Variants in RYR1 observed in about 807,000 individuals in gnomAD.
The protein encoded by RYR1 is central core disease of muscle.
Under a neutral mutation model 583.5 loss-of-function variants are expected in RYR1, and 342 were observed. The ratio of observed to expected loss-of-function variants is 0.59; its 90% CI spans 0.54 to 0.64. The LOEUF (loss-of-function observed/expected upper bound fraction) is 0.64, where lower values mean the gene tolerates loss of function less well. Ranked by LOEUF, RYR1 falls within the 30% of genes least tolerant of loss-of-function variation. RYR1 has a pLI of 0.00. For synonymous variants in RYR1, 2,791 were observed against 2,822.5 expected (o/e 0.99, Z 0.35); for missense variants, 6,032 against 6,917.2 (o/e 0.87, Z 4.54).
In RYR1 at chr19:38,451,639, T is replaced by C. The variant is rs59873209; in HGVS notation, c.1123-125T>C. ...GGGGGACAGAAAAATGAGGAGGAAT[T>C]TGCAGTGAGATTCTGCAGAGCAGGG... is the stretch of plus-strand genomic sequence containing the variant. On this transcript the variant is annotated intron_variant, in intron 11 of 105. Coordinates refer to ENST00000359596, the MANE Select transcript of RYR1 (RefSeq NM_000540.3). 1,682 of 1,098,710 alleles carry C rather than the reference T, an allele frequency of 1.5e-3. 13 individuals are homozygous for C. In the African/African-American group the frequency reaches 0.022, roughly 15 times the overall value. 68.1% of individuals were successfully genotyped at this position (1,098,710 alleles called of 1,614,324 possible). A position where few individuals can be genotyped will look rare whatever the true frequency, so the allele number is the denominator to read the frequency against.
In RYR1 at chr19:38,565,627, GGGCGGTGCCGACGGGGC is replaced by G; in HGVS notation, c.13296_13312del (p.Ala4434ArgfsTer143). On this transcript the variant is annotated frameshift_variant, in exon 91 of 106. Transcript: ENST00000359596. LOFTEE classifies it high-confidence loss of function. The surrounding 1 kb of genome is among the most constrained non-coding windows in gnomAD (Gnocchi z 4.7). Reference sequence around the variant, plus strand: ...AGGAGGCGGTGCACGAGGCCGGGCCGGGCGGTGCCGACGGGGCGGTGGCCGTGACCGATGGGGGCCCC... The same window carrying G: ...AGGAGGCGGTGCACGAGGCCGGGCCGGGTGGCCGTGACCGATGGGGGCCCC... 1 of 1,405,308 alleles carries G rather than the reference GGGCGGTGCCGACGGGGC, an allele frequency of 7.1e-7. No homozygotes were observed. The allele number at this position is 1,405,308 out of a possible 1,614,324, so 87.1% of individuals were successfully genotyped here.
intron 27 of RYR1, among the ~76,000 whole-genome samples, chr19:38,470,021 C>T (rs964983835): frequency 5.9e-5 from 9 of 152,096 alleles, no homozygotes; most frequent in African/African-American, 1.9e-4. Context: ...AGTGAATTAG[C>T]CAGATGTGGT....
intron 11 of RYR1, among the ~76,000 whole-genome samples, chr19:38,449,916 G>A (rs768591464): frequency 2.0e-5 from 3 of 152,144 alleles, no homozygotes; most frequent in Non-Finnish European, 4.4e-5. Context: ...TTGTAGAGAC[G>A]AGGTCTCATT....
intron 10 of RYR1, 22 bp downstream of exon 10, chr19:38,448,533 C>T: frequency 1.2e-6 from 2 of 1,612,274 alleles, no homozygotes; most frequent in East Asian, 2.2e-5. Context: ...TTGTGGCGCC[C>T]TCCCTCACCT....
intron 31 of RYR1, among the ~76,000 whole-genome samples, chr19:38,479,180 G>T (rs187006573): frequency 6.6e-6 from 1 of 152,288 alleles, no homozygotes; most frequent in Admixed American, 6.5e-5. Context: ...AGAATCCTAA[G>T]GTGGCCTTTT....
intron 42 of RYR1, among the ~76,000 whole-genome samples, chr19:38,498,777 G>T (rs1243056824): frequency 1.3e-5 from 2 of 152,156 alleles, no homozygotes; most frequent in African/African-American, 4.8e-5. Context: ...TTGCCATCTT[G>T]GTTTTGGTGG....
chr19:38,521,144 G>C (rs894588538), intron 67 of RYR1, among the ~76,000 whole-genome samples: 1 of 151,852 alleles, frequency 6.6e-6, no homozygotes, highest in Admixed American at 6.6e-5. Flanking sequence ...AATTAGTCAG[G>C]CATGGTGACA....
At position 38,496,850 on chromosome 19, in the gene RYR1, G is replaced by A. The variant is rs373459426; in HGVS notation, c.6797-10G>A. 7.1e-5 allele frequency: 115 copies of A among 1,609,272 alleles called. 1 individual carries two copies. The South Asian group carries it at 9.0e-4, about 13-fold the overall frequency. On this transcript the variant is annotated splice_polypyrimidine_tract_variant and intron_variant, in intron 41 of 105. Coordinates refer to ENST00000359596, the MANE Select transcript of RYR1 (RefSeq NM_000540.3). This position sits in a 1 kb window ranked among gnomAD's most constrained non-coding sequence, Gnocchi z 4.8. ...GAGTGAGATGTTCTCCCCACCTCTC[G>A]CCCCTGCAGGCATGCAGGGCTCCAC...
At position 38,516,204 on chromosome 19, in the gene RYR1, G is replaced by T. The variant is rs199644190; in HGVS notation, c.9672G>T (p.Pro3224=). Reference sequence around the variant, plus strand: ...GCTCCGTGTACACCACCAAGTCTCCGCGGGAGCGGGCCAGTAAGCTGTGTG... The same window carrying T: ...GCTCCGTGTACACCACCAAGTCTCCTCGGGAGCGGGCCAGTAAGCTGTGTG... ...NACSVYTTKS[P]RERAILGLPN... is the part of the protein sequence containing the mutation. The change falls in exon 65 of 106, where the codon CCG becomes CCT. Residue 3224 remains proline (P), a synonymous_variant. Coordinates refer to ENST00000359596, the MANE Select transcript of RYR1 (RefSeq NM_000540.3). 5.7e-6 allele frequency: 9 copies of T among 1,584,046 alleles called. No individual in the cohort carries two copies. In the East Asian group the frequency reaches 1.4e-4, roughly 24 times the overall value.
At chr19:38,573,376 G>C in intron 96 of RYR1, 69 bp downstream of exon 96, 1 of 1,571,086 alleles carries the variant, frequency 6.4e-7, no homozygotes, top group South Asian at 1.1e-5. Flanking sequence ...GTCCAGGCCT[G>C]GACCCCAAAA....
chr19:38,546,199 G>C (rs1039556576), intron 87 of RYR1, among the ~76,000 whole-genome samples: 6 of 151,968 alleles, frequency 3.9e-5, no homozygotes, highest in African/African-American at 1.5e-4. Context: ...AGTCCTCCTT[G>C]TCTGCCAGCC....
At chr19:38,525,132 G>GT (rs1971408759) in intron 70 of RYR1, among the ~76,000 whole-genome samples, 200 bp from the exon 71 acceptor site, 1 of 152,150 alleles carries the variant, frequency 6.6e-6, no homozygotes, top group East Asian at 1.9e-4. Flanking sequence ...GTGGACTTGG[G>GT]TCTGGAGGGT....
intron 58 of RYR1, 53 bp from the exon 59 acceptor site, chr19:38,510,445 C>A: frequency 6.3e-7 from 1 of 1,588,596 alleles, no homozygotes; most frequent in South Asian, 1.1e-5. Flanking sequence ...ATCAGAACAC[C>A]CTGGGTTCCC....
At position 38,534,098 on chromosome 19, in the gene RYR1, A is replaced by G. The variant is rs527509549; in HGVS notation, c.11260-622A>G. Among the ~76,000 whole-genome samples the G allele has an allele frequency of 1.0e-4, 14 of 139,310 alleles. No individual in the cohort carries two copies. In the South Asian group the frequency reaches 3.0e-3, roughly 30 times the overall value. 91.4% of individuals were successfully genotyped at this position (139,310 alleles called of 152,430 possible). A position where few individuals can be genotyped will look rare whatever the true frequency, so the allele number is the denominator to read the frequency against. On this transcript the variant is annotated intron_variant, in intron 78 of 105. Transcript: ENST00000359596. ...GTGATCTCAGCTCACTGCAACCTCC[A>G]CCTCCCGGGTTCAAGCAATTCTCCT...
At position 38,478,428 on chromosome 19, in the gene RYR1, C is replaced by T. The variant is rs776234351; in HGVS notation, c.4455-7C>T. The T allele has an allele frequency of 6.2e-7, 1 of 1,612,868 alleles. No individual in the cohort carries two copies. The stretch of plus-strand genomic sequence containing the variant: ...AGGAGTGCAGTGACCGCTTCTGTCT[C>T]CTGCAGCCTCAAGTGTAGCAACTGC... On this transcript the variant is annotated splice_polypyrimidine_tract_variant and splice_region_variant and intron_variant, in intron 30 of 105. Transcript: ENST00000359596.
At chr19:38,542,066 C>CA (rs71165558) in intron 84 of RYR1, among the ~76,000 whole-genome samples, 20,352 of 80,502 alleles carry the variant, frequency 0.25, 2,126 homozygotes, top group African/African-American at 0.4. Context: ...GAGACCTTGT[C>CA]AAAAAAAAAA....
At chr19:38,584,024 C>T (rs1225978567) in intron 101 of RYR1, among the ~76,000 whole-genome samples, 1 of 151,984 alleles carries the variant, frequency 6.6e-6, no homozygotes, top group Non-Finnish European at 1.5e-5. Flanking sequence ...GCCTTCTCTG[C>T]TGGGAACACT....
intron 12 of RYR1, among the ~76,000 whole-genome samples, chr19:38,452,248 G>A (rs1289601977): frequency 6.6e-6 from 1 of 151,676 alleles, no homozygotes; most frequent in Non-Finnish European, 1.5e-5. Context: ...ACCAGCCTGA[G>A]CAATATAGTG....
chr19:38,584,802 C>T, intron 101 of RYR1, 141 bp from the exon 102 acceptor site: 4 of 931,494 alleles, frequency 4.3e-6, no homozygotes, highest in Non-Finnish European at 6.8e-6. Context: ...CTGTCTGATG[C>T]CGTATCTGTG....
Sources: allele counts gnomAD v4.1 joint callset (sites outside exome capture counted in the v4.1 genomes callset), GRCh38; gene constraint gnomAD v4.1.1; non-coding constraint Gnocchi (gnomAD v3.1); transcripts MANE v1.5; gene names NCBI Gene and HGNC (gene_info 2026-07-23, HGNC 2026-07-21).